Variants in ADARB2 observed in about 807,000 individuals in gnomAD.
ADARB2 encodes inactive double-stranded RNA-specific editase B2.
Under a neutral mutation model 62.2 loss-of-function variants are expected in ADARB2, and 25 were observed. The ratio of observed to expected loss-of-function variants is 0.40; its 90% CI spans 0.29 to 0.56. The LOEUF (loss-of-function observed/expected upper bound fraction) is 0.56, where lower values mean the gene tolerates loss of function less well. ADARB2 is among the 20% of genes least tolerant of loss of function. The probability of loss-of-function intolerance (pLI) is 0.43; values close to 1 mark genes in which losing one functional copy is unlikely to be tolerated. For missense variants in ADARB2, 1,071 were observed against 1,077.4 expected (o/e 0.99, Z 0.08); for synonymous variants, 572 against 500.8 (o/e 1.14, Z -1.90).
chr10:1,511,036 G>T (rs12780851), intron 1 of ADARB2, among the ~76,000 whole-genome samples: 14,528 of 152,120 alleles, frequency 0.096, 1,173 homozygotes, highest in East Asian at 0.32. Context: ...AAATTATTTC[G>T]TAGAGATGGG....
At chr10:1,548,012 G>A (rs973024835) in intron 1 of ADARB2, among the ~76,000 whole-genome samples, 2 of 151,950 alleles carry the variant, frequency 1.3e-5, no homozygotes, top group Non-Finnish European at 1.5e-5. Context: ...TTTTAATAAT[G>A]GAATTATAGA....
intron 1 of ADARB2, among the ~76,000 whole-genome samples, chr10:1,542,115 C>T (rs371929912): frequency 7.1e-4 from 22 of 31,000 alleles, no homozygotes; most frequent in African/African-American, 1.4e-3. Context: ...CCCACTCAGA[C>T]GCAGTTCAGA....
intron 1 of ADARB2, among the ~76,000 whole-genome samples, chr10:1,671,956 T>G (rs1834390317): frequency 6.6e-6 from 1 of 152,130 alleles, no homozygotes; most frequent in African/African-American, 2.4e-5. Flanking sequence ...ACATACTTGC[T>G]CTTGATTCAC....
At chr10:1,733,416 A>G (rs1437500760) in intron 1 of ADARB2, among the ~76,000 whole-genome samples, 4 of 152,242 alleles carry the variant, frequency 2.6e-5, no homozygotes, top group Non-Finnish European at 5.9e-5. Context: ...CTTTTAGAAA[A>G]AAAAATACAT....
chr10:1,684,758 A>G (rs776273311), intron 1 of ADARB2, among the ~76,000 whole-genome samples: 1 of 152,210 alleles, frequency 6.6e-6, no homozygotes, highest in Non-Finnish European at 1.5e-5. Context: ...GATTTCACCA[A>G]AAGATTTTGC....
At chr10:1,507,444 T>C (rs1831866640) in intron 1 of ADARB2, among the ~76,000 whole-genome samples, 1 of 152,226 alleles carries the variant, frequency 6.6e-6, no homozygotes, top group Non-Finnish European at 1.5e-5. Context: ...ACACCCCAGC[T>C]TCTGCTCACA....
intron 1 of ADARB2, among the ~76,000 whole-genome samples, chr10:1,582,298 G>A (rs778680580): frequency 6.6e-6 from 1 of 152,084 alleles, no homozygotes; most frequent in East Asian, 1.9e-4. Flanking sequence ...GGAGGGCCTC[G>A]CTGCCTCCCA....
chr10:1,338,082 G>A (rs1831990882), intron 3 of ADARB2, among the ~76,000 whole-genome samples: 1 of 152,228 alleles, frequency 6.6e-6, no homozygotes. Flanking sequence ...TATTTTACAT[G>A]AGAAACATTC....
At chr10:1,653,752 C>T (rs1211333774) in intron 1 of ADARB2, among the ~76,000 whole-genome samples, 1 of 152,232 alleles carries the variant, frequency 6.6e-6, no homozygotes, top group African/African-American at 2.4e-5. Context: ...GGACCAGGCC[C>T]AATGCCATGG....
chr10:1,205,461 C>T (rs181236853), intron 7 of ADARB2, among the ~76,000 whole-genome samples: 1 of 151,220 alleles, frequency 6.6e-6, no homozygotes, highest in African/African-American at 2.4e-5. Context: ...CACGGGAGCC[C>T]GTGGCACAGC....
intron 1 of ADARB2, among the ~76,000 whole-genome samples, chr10:1,428,317 T>A (rs1382380958): frequency 2.0e-5 from 3 of 146,840 alleles, no homozygotes. Flanking sequence ...GACAGAGTCT[T>A]GTTTTGTCAC....
chr10:1,192,383 C>T (rs77806354), intron 8 of ADARB2, among the ~76,000 whole-genome samples: 4,682 of 152,300 alleles, frequency 0.031, 251 homozygotes, highest in African/African-American at 0.11. Context: ...CTTTCTCTCT[C>T]TCACGCACAC....
At chr10:1,666,962 T>C (rs1164441386) in intron 1 of ADARB2, among the ~76,000 whole-genome samples, 3 of 152,218 alleles carry the variant, frequency 2.0e-5, no homozygotes, top group African/African-American at 7.2e-5. Context: ...AGAATTTGTG[T>C]AGACTCTGAA....
intron 3 of ADARB2, among the ~76,000 whole-genome samples, chr10:1,305,837 T>C (rs1831621979): frequency 6.6e-6 from 1 of 152,004 alleles, no homozygotes; most frequent in African/African-American, 2.4e-5. Flanking sequence ...AAAAGGCCTT[T>C]GACAAAATTC....
chr10:1,507,312 C>A (rs1005165816), intron 1 of ADARB2, among the ~76,000 whole-genome samples: 1 of 152,130 alleles, frequency 6.6e-6, no homozygotes, highest in African/African-American at 2.4e-5. Flanking sequence ...CTCAGGAGGC[C>A]CTGGAGTCAG....
At chr10:1,637,635 A>G (rs529157908) in intron 1 of ADARB2, among the ~76,000 whole-genome samples, 2 of 152,268 alleles carry the variant, frequency 1.3e-5, no homozygotes, top group Non-Finnish European at 2.9e-5. Flanking sequence ...GTCCTCTAAC[A>G]GTATGATTCT....
intron 1 of ADARB2, among the ~76,000 whole-genome samples, chr10:1,493,064 G>A (rs1831642497): frequency 6.6e-6 from 1 of 152,178 alleles, no homozygotes; most frequent in Admixed American, 6.5e-5. Context: ...ATTTTCTGTT[G>A]CTATTCAATA....
At chr10:1,188,875 G>A (rs940007095) in intron 8 of ADARB2, among the ~76,000 whole-genome samples, 6 of 152,242 alleles carry the variant, frequency 3.9e-5, no homozygotes, top group African/African-American at 1.4e-4. Context: ...GAGAGGAAGT[G>A]CAGTCAGGAG....
At chr10:1,537,858 T>G (rs1473748838) in intron 1 of ADARB2, among the ~76,000 whole-genome samples, 1 of 152,168 alleles carries the variant, frequency 6.6e-6, no homozygotes, top group Admixed American at 6.5e-5. Flanking sequence ...AAATACCTAA[T>G]GCATGCCGGT....
Sources: gnomAD v4.1 joint callset for allele counts (sites outside exome capture counted in the v4.1 genomes callset) on GRCh38, gnomAD v4.1.1 for gene constraint, MANE v1.5 for transcripts, NCBI Gene and HGNC (gene_info 2026-07-23, HGNC 2026-07-21) for gene names.